Variants in SAMD4A observed in about 807,000 individuals in gnomAD.
SAMD4A encodes sterile alpha motif domain containing 4A, also known as protein Smaug homolog 1.
SAMD4A carries 33 observed loss-of-function variants against 81.3 expected under a neutral mutation model. That is an observed-to-expected ratio of 0.41 (90% CI 0.31 to 0.54). The LOEUF (loss-of-function observed/expected upper bound fraction) is 0.54. SAMD4A is among the 20% of genes least tolerant of loss of function. The probability of loss-of-function intolerance (pLI) is 0.37; values close to 1 mark genes in which losing one functional copy is unlikely to be tolerated. For missense variants in SAMD4A, 854 were observed against 951.1 expected (o/e 0.90, Z 1.34); for synonymous variants, 389 against 382.1 (o/e 1.02, Z -0.21).
At chr14:54,572,432 T>C (rs1375205208) in intron 2 of SAMD4A, among the ~76,000 whole-genome samples, 1 of 152,190 alleles carries the variant, frequency 6.6e-6, no homozygotes, top group Admixed American at 6.5e-5. Flanking sequence ...TCCCCTTTAA[T>C]GTATGGGCCT....
chr14:54,740,844 A>G (rs1272885851), intron 4 of SAMD4A, among the ~76,000 whole-genome samples: 1 of 152,196 alleles, frequency 6.6e-6, no homozygotes, highest in Non-Finnish European at 1.5e-5. Flanking sequence ...TTCCTTCTTT[A>G]GTAAATGTCC....
intron 2 of SAMD4A, chr14:54,688,409 A>G: frequency 4.1e-6 from 4 of 966,492 alleles, no homozygotes; most frequent in Non-Finnish European, 4.9e-6. Flanking sequence ...GTGGTTTGTG[A>G]GGGTGTGAGC....
chr14:54,664,177 G>T (rs918505624), intron 2 of SAMD4A, among the ~76,000 whole-genome samples: 5 of 151,758 alleles, frequency 3.3e-5, no homozygotes, highest in African/African-American at 4.8e-5. Flanking sequence ...TTGCCTTTGG[G>T]TTTTTTTTCT....
In SAMD4A at chr14:54,788,918, G is replaced by T. The variant is rs1231096199; in HGVS notation, c.2131G>T (p.Gly711Trp). ...LSMTEHALGD[G>W]VDRTSTI is the part of the protein sequence containing the mutation. ...TCGTTTGCTGCTTTCTCTCCCAGAC[G>T]GGGTTGACCGGACCTCCACCATCTA... is the stretch of plus-strand genomic sequence containing the variant. Residue 711 changes from glycine (G) to tryptophan (W), a missense_variant and splice_region_variant, in exon 13 of 13, where the codon GGG (glycine) becomes TGG (tryptophan). Transcript: ENST00000554335. The T allele has an allele frequency of 6.2e-7, 1 of 1,614,170 alleles. No homozygotes were observed. The highest frequency in any genetic ancestry group is 1.7e-5 in the Admixed American group (1 of 60,024).
chr14:54,664,810 A>AACACACAC (rs140875623), intron 2 of SAMD4A, among the ~76,000 whole-genome samples: 2,273 of 141,726 alleles, frequency 0.016, 43 homozygotes, highest in African/African-American at 0.047. Context: ...ATGTGAATCC[A>AACACACAC]ACACACACAC....
intron 2 of SAMD4A, among the ~76,000 whole-genome samples, chr14:54,649,319 C>T (rs1350405238): frequency 6.6e-6 from 1 of 152,142 alleles, no homozygotes; most frequent in Non-Finnish European, 1.5e-5. Flanking sequence ...AAGAGTGAGA[C>T]AGAGGTTTTA....
At chr14:54,620,546 C>T (rs2034591675) in intron 2 of SAMD4A, among the ~76,000 whole-genome samples, 1 of 152,214 alleles carries the variant, frequency 6.6e-6, no homozygotes, top group South Asian at 2.1e-4. Context: ...ATTTATATGG[C>T]TCTGGCTCTG....
intron 2 of SAMD4A, among the ~76,000 whole-genome samples, chr14:54,592,969 T>G (rs1336254708): frequency 6.6e-6 from 1 of 152,210 alleles, no homozygotes; most frequent in African/African-American, 2.4e-5. Context: ...TAATGTTATA[T>G]TATGAGCATT....
At chr14:54,730,295 A>C (rs1189923578) in intron 3 of SAMD4A, among the ~76,000 whole-genome samples, 1 of 152,112 alleles carries the variant, frequency 6.6e-6, no homozygotes, top group Non-Finnish European at 1.5e-5. Context: ...GGAAAGAGGA[A>C]GTTAGCTGTG....
At chr14:54,676,865 A>G (rs2036004747) in intron 2 of SAMD4A, among the ~76,000 whole-genome samples, 1 of 152,172 alleles carries the variant, frequency 6.6e-6, no homozygotes, top group African/African-American at 2.4e-5. Context: ...AATTTCCAAA[A>G]CCGAAATGGC....
chr14:54,666,784 G>T (rs1461590228), intron 2 of SAMD4A, among the ~76,000 whole-genome samples: 1 of 152,108 alleles, frequency 6.6e-6, no homozygotes, highest in African/African-American at 2.4e-5. Context: ...TTAACCCTTT[G>T]ATTACCATAA....
intron 8 of SAMD4A, 111 bp downstream of exon 8, chr14:54,764,651 T>C (rs2038489652): frequency 1.4e-6 from 1 of 695,978 alleles, no homozygotes; most frequent in Non-Finnish European, 2.5e-6. Flanking sequence ...TTTTGAGTGG[T>C]GGACAGTTAT....
intron 3 of SAMD4A, among the ~76,000 whole-genome samples, chr14:54,713,824 G>A (rs925257455): frequency 1.3e-5 from 2 of 152,156 alleles, no homozygotes; most frequent in Non-Finnish European, 2.9e-5. Flanking sequence ...AAACAATGAG[G>A]CAGTCTTGAT....
intron 5 of SAMD4A, among the ~76,000 whole-genome samples, chr14:54,749,437 G>A (rs1470370725): frequency 2.0e-5 from 3 of 152,062 alleles, no homozygotes; most frequent in East Asian, 1.9e-4. Flanking sequence ...CCTCAGACCC[G>A]CCCCAACATT....
Position 54,721,730 on chromosome 14 carries a change from A to G in SAMD4A, c.716-15294A>G, listed in dbSNP as rs756455870. On this transcript the variant is annotated intron_variant, in intron 3 of 12. Transcript: ENST00000554335. ...TGTCACTTTCCTTCTCTCGGTTTCC[A>G]TTGTCTTATCCAGAAACTAGGCTGG... 5.3e-4 allele frequency among the ~76,000 whole-genome samples: 81 copies of G among 152,184 alleles called. 1 individual carries two copies. The highest frequency in any genetic ancestry group is 1.5e-4 in the Non-Finnish European group (10 of 68,030).
chr14:54,660,094 A>G (rs756428311), intron 2 of SAMD4A, among the ~76,000 whole-genome samples: 11 of 152,190 alleles, frequency 7.2e-5, no homozygotes, highest in Non-Finnish European at 1.2e-4. Context: ...AAAAAAAAAA[A>G]AGGGCCTTTT....
At chr14:54,733,819 C>T (rs2037620311) in intron 3 of SAMD4A, among the ~76,000 whole-genome samples, 1 of 147,806 alleles carries the variant, frequency 6.8e-6, no homozygotes, top group Non-Finnish European at 1.5e-5. Context: ...CTCTTCCTGC[C>T]TACTCATAGG....
intron 6 of SAMD4A, among the ~76,000 whole-genome samples, chr14:54,754,213 C>G (rs2038181325): frequency 6.6e-6 from 1 of 152,152 alleles, no homozygotes; most frequent in Non-Finnish European, 1.5e-5. Context: ...TTCCATCTAG[C>G]CTTTGATAAG....
intron 2 of SAMD4A, among the ~76,000 whole-genome samples, chr14:54,695,822 G>T (rs11621212): frequency 0.49 from 74,065 of 151,444 alleles, 18,867 homozygotes; most frequent in Non-Finnish European, 0.54. Context: ...GCGTGGTGGC[G>T]CATGCCTGTA....
Sources: gnomAD v4.1 joint callset for allele counts (sites outside exome capture counted in the v4.1 genomes callset) on GRCh38, gnomAD v4.1.1 for gene constraint, MANE v1.5 for transcripts, NCBI Gene and HGNC (gene_info 2026-07-23, HGNC 2026-07-21) for gene names.